Variants in PCOLCE2 observed in about 807,000 individuals in gnomAD.
PCOLCE2 encodes the protein procollagen C-proteinase enhancer 2.
In PCOLCE2, 42 loss-of-function variants were observed where a neutral mutation model predicts 47.0. The ratio of observed to expected loss-of-function variants is 0.89; its 90% CI spans 0.70 to 1.16. PCOLCE2 has a LOEUF of 1.16. PCOLCE2 is among the 50% of genes most tolerant of loss of function. The pLI is 0.00. For missense variants in PCOLCE2, 500 were observed against 526.1 expected, an observed-to-expected ratio of 0.95 and a Z score of 0.49; for synonymous variants, 169 against 191.7, an observed-to-expected ratio of 0.88 and a Z score of 0.98.
chr3:142,852,049 C>T (rs1326606818), intron 2 of PCOLCE2, among the ~76,000 whole-genome samples: 1 of 152,204 alleles, frequency 6.6e-6, no homozygotes, highest in African/African-American at 2.4e-5. Flanking sequence ...TGAACACATG[C>T]TGACCCGAAC....
chr3:142,864,620 A>C (rs1027511031), intron 2 of PCOLCE2: 1 of 150,630 alleles, frequency 6.6e-6, no homozygotes, highest in Non-Finnish European at 1.5e-5. Flanking sequence ...ATTTCAGAAT[A>C]TTTCCATCAC....
At chr3:142,846,108 A>G (rs1012728893) in intron 3 of PCOLCE2, among the ~76,000 whole-genome samples, 3 of 152,008 alleles carry the variant, frequency 2.0e-5, no homozygotes, top group South Asian at 2.1e-4. Flanking sequence ...CTGTCTTTAA[A>G]TTTCTGTAAT....
At chr3:142,845,143 T>C (rs1228474790) in intron 3 of PCOLCE2, among the ~76,000 whole-genome samples, 1 of 152,224 alleles carries the variant, frequency 6.6e-6, no homozygotes. Flanking sequence ...TAGCCTTCTT[T>C]GGGTTAGTTG....
At chr3:142,870,375 C>T (rs928582942) in intron 2 of PCOLCE2, among the ~76,000 whole-genome samples, 5 of 152,174 alleles carry the variant, frequency 3.3e-5, no homozygotes, top group African/African-American at 1.2e-4. Context: ...GATTCTATCT[C>T]GGACAGCACT....
intron 2 of PCOLCE2, among the ~76,000 whole-genome samples, chr3:142,848,970 A>G (rs1427719057): frequency 3.3e-5 from 5 of 151,938 alleles, no homozygotes; most frequent in Admixed American, 2.0e-4. Context: ...TGGCTAACAC[A>G]GTGAAACCCC....
intron 2 of PCOLCE2, among the ~76,000 whole-genome samples, chr3:142,849,756 A>G (rs1937369829): frequency 6.6e-6 from 1 of 152,216 alleles, no homozygotes; most frequent in South Asian, 2.1e-4. Context: ...CTCAGTGATT[A>G]AAAAAATCAA....
intron 5 of PCOLCE2, among the ~76,000 whole-genome samples, chr3:142,835,196 CAAT>C (rs1380328122): frequency 1.2e-4 from 18 of 152,154 alleles, no homozygotes; most frequent in Non-Finnish European, 2.6e-4. Flanking sequence ...ATCTCTACTA[CAAT>C]AATGAACTTT....
chr3:142,884,213 G>A (rs985662775), intron 2 of PCOLCE2, among the ~76,000 whole-genome samples: 1 of 152,166 alleles, frequency 6.6e-6, no homozygotes, highest in African/African-American at 2.4e-5. Context: ...GGGTCCAGGT[G>A]GTGGGATGTC....
chr3:142,870,131 A>G (rs78264893), intron 2 of PCOLCE2, among the ~76,000 whole-genome samples: 10,669 of 152,248 alleles, frequency 0.07, 411 homozygotes, highest in African/African-American at 0.1. Flanking sequence ...CTCTGTCTCT[A>G]TAAGTTAGAA....
At chr3:142,860,703 C>T (rs1037804487) in intron 2 of PCOLCE2, among the ~76,000 whole-genome samples, 296 of 152,370 alleles carry the variant, frequency 1.9e-3, no homozygotes, top group African/African-American at 6.8e-3. Flanking sequence ...CCACCACTCC[C>T]GGCCCATGCC....
chr3:142,827,183 G>T, intron 6 of PCOLCE2: 1 of 1,348,512 alleles, frequency 7.4e-7, no homozygotes, highest in Non-Finnish European at 1.1e-6. Flanking sequence ...AGCCAGCAGG[G>T]TCATCTCTGA....
intron 4 of PCOLCE2, among the ~76,000 whole-genome samples, chr3:142,841,626 T>C (rs1015224072): frequency 2.6e-5 from 4 of 152,210 alleles, no homozygotes; most frequent in Non-Finnish European, 4.4e-5. Context: ...TATTTCTTCT[T>C]AAAAATAAAA....
At chr3:142,885,573 G>GTGCCA (rs1411513020) in intron 2 of PCOLCE2, among the ~76,000 whole-genome samples, 1 of 152,184 alleles carries the variant, frequency 6.6e-6, no homozygotes, top group East Asian at 1.9e-4. Flanking sequence ...CTTCTAGCTG[G>GTGCCA]TGCCACTATA....
intron 2 of PCOLCE2, among the ~76,000 whole-genome samples, chr3:142,856,629 A>G (rs1454407207): frequency 6.6e-6 from 1 of 152,248 alleles, no homozygotes; most frequent in African/African-American, 2.4e-5. Flanking sequence ...AGGAAGGCTA[A>G]GGTAGATGCA....
chr3:142,870,674 T>C (rs894085380), intron 2 of PCOLCE2, among the ~76,000 whole-genome samples: 2 of 151,906 alleles, frequency 1.3e-5, no homozygotes, highest in African/African-American at 4.8e-5. Flanking sequence ...ACAGAGTAAG[T>C]GTCTTTATTG....
chr3:142,857,431 T>C (rs1933084304), intron 2 of PCOLCE2, among the ~76,000 whole-genome samples: 1 of 152,182 alleles, frequency 6.6e-6, no homozygotes, highest in Non-Finnish European at 1.5e-5. Flanking sequence ...CATACATGCA[T>C]GATACACTTC....
intron 2 of PCOLCE2, among the ~76,000 whole-genome samples, chr3:142,856,376 G>A (rs1435287493): frequency 6.6e-6 from 1 of 152,206 alleles, no homozygotes; most frequent in African/African-American, 2.4e-5. Flanking sequence ...GTCAGTTGGG[G>A]TGAGAGGCAA....
intron 5 of PCOLCE2, among the ~76,000 whole-genome samples, chr3:142,836,515 T>C (rs1018651256): frequency 6.6e-6 from 1 of 152,250 alleles, no homozygotes; most frequent in African/African-American, 2.4e-5. Context: ...ACTTCTCTTA[T>C]TTTTTGACAA....
At chr3:142,866,309 C>T (rs999059187) in intron 2 of PCOLCE2, among the ~76,000 whole-genome samples, 3 of 152,116 alleles carry the variant, frequency 2.0e-5, no homozygotes, top group East Asian at 1.9e-4. Flanking sequence ...CTCCTGCCCT[C>T]GGATATCAGA....
Sources: gnomAD v4.1 joint callset for allele counts (sites outside exome capture counted in the v4.1 genomes callset) on GRCh38, gnomAD v4.1.1 for gene constraint, MANE v1.5 for transcripts, NCBI Gene and HGNC (gene_info 2026-07-23, HGNC 2026-07-21) for gene names.